DOCK5: variants seen among roughly 807,000 people sequenced by gnomAD.
DOCK5 encodes the protein dedicator of cytokinesis protein 5.
Under a neutral mutation model 251.8 loss-of-function variants are expected in DOCK5, and 142 were observed. The ratio of observed to expected loss-of-function variants is 0.56; its 90% CI spans 0.49 to 0.65. The LOEUF (loss-of-function observed/expected upper bound fraction) is 0.65. DOCK5 is among the 30% of genes least tolerant of loss of function. The pLI is 0.00. For missense variants in DOCK5, 2,111 were observed against 2,312.3 expected, an observed-to-expected ratio of 0.91 and a Z score of 1.79; for synonymous variants, 842 against 835.5, an observed-to-expected ratio of 1.01 and a Z score of -0.13.
chr8:25,249,215 G>A (rs1803202100), intron 2 of DOCK5, among the ~76,000 whole-genome samples: 1 of 152,100 alleles, frequency 6.6e-6, no homozygotes, highest in African/African-American at 2.4e-5. Flanking sequence ...TGCCCTAGCT[G>A]GTCTGGAACT....
chr8:25,410,240 G>A lies in DOCK5; in HGVS notation c.5508+38G>A, dbSNP rs370010268. On this transcript the variant is annotated intron_variant, in intron 51 of 51. Transcript: ENST00000276440. ...CAGCTGGCAACTGTGGCCAGGGAGC[G>A]CCACTCCTGGGAAGGCAGCATCAGG... 51 of 1,571,418 alleles carry A rather than the reference G, an allele frequency of 3.2e-5. No homozygotes were observed. The Admixed American group carries it at 3.6e-4, about 11-fold the overall frequency.
intron 11 of DOCK5, among the ~76,000 whole-genome samples, chr8:25,307,084 T>G (rs894312211): frequency 1.3e-5 from 2 of 152,124 alleles, no homozygotes; most frequent in Non-Finnish European, 2.9e-5. Flanking sequence ...AGCTATAATA[T>G]CACTAGGCAA....
rs766382219 is a variant in DOCK5, at chr8:25,316,995, A to C, written c.1319-12A>C. ...TCTCAGCAACACTCACAGCATGCTT[A>C]TCATGTTGCAGGAGATGTTCGGAAT... On this transcript the variant is annotated splice_polypyrimidine_tract_variant and intron_variant, in intron 13 of 51. Coordinates refer to ENST00000276440, the MANE Select transcript of DOCK5 (RefSeq NM_024940.8). 5.6e-6 allele frequency: 9 copies of C among 1,613,728 alleles called. No homozygotes were observed. Among genetic ancestry groups the C allele is most frequent in the Non-Finnish European group, 6.8e-6 (8 of 1,179,692 alleles).
At chr8:25,317,352 T>A in intron 14 of DOCK5, 1 of 449,558 alleles carries the variant, frequency 2.2e-6, no homozygotes, top group African/African-American at 1.9e-5. Flanking sequence ...TCTCCTGTGC[T>A]AAGAAATAGC....
At chr8:25,235,432 T>G (rs1267791073) in intron 1 of DOCK5, among the ~76,000 whole-genome samples, 1 of 152,114 alleles carries the variant, frequency 6.6e-6, no homozygotes, top group African/African-American at 2.4e-5. Context: ...GGCTAATTTT[T>G]ATAATTTTTT....
intron 40 of DOCK5, among the ~76,000 whole-genome samples, chr8:25,384,020 A>G (rs1395333615): frequency 2.0e-5 from 3 of 152,246 alleles, no homozygotes; most frequent in Admixed American, 6.5e-5. Flanking sequence ...ACAGGATCCA[A>G]TCCACGTGTC....
intron 5 of DOCK5, among the ~76,000 whole-genome samples, chr8:25,281,618 C>CAA (rs1418750944): frequency 2.0e-5 from 3 of 149,510 alleles, no homozygotes; most frequent in Non-Finnish European, 4.5e-5. Flanking sequence ...CAGTGGTTCA[C>CAA]GCCTGTAATC....
chr8:25,307,977 A>G (rs1157596687), intron 11 of DOCK5, among the ~76,000 whole-genome samples: 2 of 152,234 alleles, frequency 1.3e-5, no homozygotes, highest in Non-Finnish European at 2.9e-5. Context: ...ACTCAAGACT[A>G]TAGCAATCCC....
At chr8:25,410,046 A>C (rs1251402680) in intron 50 of DOCK5, 53 bp from the exon 51 acceptor site, 1 of 1,472,374 alleles carries the variant, frequency 6.8e-7, no homozygotes, top group Non-Finnish European at 9.3e-7. Flanking sequence ...CATTTCCATG[A>C]GCTTCCTTGC....
intron 40 of DOCK5, 93 bp from the exon 41 acceptor site, chr8:25,388,998 T>C (rs1043423849): frequency 1.6e-6 from 2 of 1,222,364 alleles, no homozygotes; most frequent in South Asian, 1.4e-5. Context: ...GAACGTTGGC[T>C]GGGGAGTGCA....
chr8:25,408,005 G>A lies in DOCK5; in HGVS notation c.5116G>A (p.Glu1706Lys). 1 of 1,612,532 alleles carries A rather than the reference G, an allele frequency of 6.2e-7. No individual in the cohort carries two copies. The highest frequency in any genetic ancestry group is 8.5e-7 in the Non-Finnish European group (1 of 1,179,424). The change falls in exon 49 of 52, where the codon GAG becomes AAG. Residue 1706 changes from glutamate (E) to lysine (K), a missense_variant. Coordinates refer to ENST00000276440, the MANE Select transcript of DOCK5 (RefSeq NM_024940.8). ...SDGSILEPLLERRASSGARVE... is the reference protein window; with the variant it reads ...SDGSILEPLLKRRASSGARVE... ...TAGCTCAATCTTGGAGCCACTTTTG[G>A]AGCGCAGGGCCTCGTCAGGTGCCAG...
At chr8:25,264,681 G>C (rs1397940863) in intron 2 of DOCK5, among the ~76,000 whole-genome samples, 1 of 151,766 alleles carries the variant, frequency 6.6e-6, no homozygotes, top group African/African-American at 2.4e-5. Context: ...CAAAAAATAA[G>C]CTAGGCATGG....
At chr8:25,243,577 C>T in intron 1 of DOCK5, 97 bp from the exon 2 acceptor site, 1 of 1,143,286 alleles carries the variant, frequency 8.7e-7, no homozygotes. Flanking sequence ...GATCCACCCA[C>T]CTCACCCTCT....
chr8:25,385,221 C>A (rs1801143901), intron 40 of DOCK5, among the ~76,000 whole-genome samples: 1 of 152,142 alleles, frequency 6.6e-6, no homozygotes, highest in African/African-American at 2.4e-5. Context: ...GGAGCTGCTG[C>A]AGACTTTTCG....
At position 25,243,756 on chromosome 8, in the gene DOCK5, G is replaced by A; in HGVS notation, c.126G>A (p.Glu42=). The change falls in exon 2 of 52, where the codon GAG becomes GAA. Residue 42 remains glutamate (E), a splice_region_variant and synonymous_variant. Coordinates refer to ENST00000276440, the MANE Select transcript of DOCK5 (RefSeq NM_024940.8). Reference sequence around the variant, plus strand: ...CAGTTCACATCCTGGAGATGTACGAGGGTAAGTCTGGCTGGCCTTCTGCCA... The same window carrying A: ...CAGTTCACATCCTGGAGATGTACGAAGGTAAGTCTGGCTGGCCTTCTGCCA... ...GDTVHILEMY[E]GWYRGYTLQN... 6.2e-7 allele frequency: 1 copy of A among 1,613,450 alleles called. No individual in the cohort carries two copies. The highest frequency in any genetic ancestry group is 8.5e-7 in the Non-Finnish European group (1 of 1,179,582).
At chr8:25,199,782 C>G (rs1586222675) in intron 1 of DOCK5, among the ~76,000 whole-genome samples, 1 of 152,170 alleles carries the variant, frequency 6.6e-6, no homozygotes, top group Admixed American at 6.5e-5. Flanking sequence ...CATTCTCCAT[C>G]GGGAGCAAAC....
intron 47 of DOCK5, 98 bp from the exon 48 acceptor site, chr8:25,403,460 A>G: frequency 7.6e-7 from 1 of 1,324,356 alleles, no homozygotes; most frequent in Non-Finnish European, 1.1e-6. Flanking sequence ...ACCAGTACAG[A>G]TGGGTACTGG....
intron 51 of DOCK5, among the ~76,000 whole-genome samples, 199 bp from the exon 52 acceptor site, chr8:25,410,989 ACGCACG>A (rs1563236264): frequency 1.4e-4 from 17 of 119,786 alleles, no homozygotes; most frequent in South Asian, 3.0e-4. Context: ...GCGCGCACGC[ACGCACG>A]CACGCACGCG....
intron 2 of DOCK5, among the ~76,000 whole-genome samples, chr8:25,251,789 G>T (rs1009513666): frequency 2.0e-5 from 3 of 152,166 alleles, no homozygotes; most frequent in Non-Finnish European, 2.9e-5. Context: ...AGGAGTTTGA[G>T]ACCAGTCTGG....
Sources: gnomAD v4.1 joint callset for allele counts (sites outside exome capture counted in the v4.1 genomes callset) on GRCh38, gnomAD v4.1.1 for gene constraint, MANE v1.5 for transcripts, NCBI Gene and HGNC (gene_info 2026-07-23, HGNC 2026-07-21) for gene names.